Variants in LINGO2 observed in about 807,000 individuals in gnomAD.
LINGO2 encodes leucine-rich repeat and immunoglobulin-like domain-containing nogo receptor-interacting protein 2.
In LINGO2, 14 loss-of-function variants were observed where a neutral mutation model predicts 30.6. The ratio of observed to expected loss-of-function variants is 0.46; its 90% CI spans 0.30 to 0.72. The LOEUF (loss-of-function observed/expected upper bound fraction) is 0.72, where lower values mean the gene tolerates loss of function less well. LINGO2 is among the 30% of genes least tolerant of loss of function. The probability of loss-of-function intolerance (pLI) is 0.07; values close to 1 mark genes in which losing one functional copy is unlikely to be tolerated. For missense variants in LINGO2, 729 were observed against 751.7 expected (o/e 0.97, Z 0.35); for synonymous variants, 317 against 288.5 (o/e 1.10, Z -1.00).
chr9:28,114,563 A>G (rs1232213553), intron 4 of LINGO2, among the ~76,000 whole-genome samples: 1 of 43,018 alleles, frequency 2.3e-5, no homozygotes, highest in African/African-American at 8.6e-5. Flanking sequence ...TGGTTGGTAA[A>G]CTATTGATTA....
At position 28,029,796 on chromosome 9, in the gene LINGO2, T is replaced by A. The variant is rs16912283; in HGVS notation, c.-86-17391A>T. On this transcript the variant is annotated intron_variant, in intron 4 of 5. Coordinates refer to ENST00000379992, the Ensembl canonical transcript of LINGO2. ...TGTGGGAAGTTCTTAGAATAGTTCC[T>A]GGCATGTACAAATTCTTCAACTGTT... Among the ~76,000 whole-genome samples, 4,303 of 152,314 alleles carry A rather than the reference T, an allele frequency of 0.028. 417 individuals are homozygous for A. The East Asian group carries it at 0.34, about 12-fold the overall frequency.
chr9:28,571,003 A>T (rs1391847879), intron 1 of LINGO2, among the ~76,000 whole-genome samples: 1 of 151,992 alleles, frequency 6.6e-6, no homozygotes, highest in Non-Finnish European at 1.5e-5. Flanking sequence ...TAAATTTAAA[A>T]TGAGAAAGTA....
At chr9:28,261,219 T>C (rs1294013185) in intron 4 of LINGO2, among the ~76,000 whole-genome samples, 1 of 151,924 alleles carries the variant, frequency 6.6e-6, no homozygotes, top group East Asian at 1.9e-4. Context: ...ACAAGGAAAG[T>C]CCTCTATATT....
chr9:29,080,118 C>A, the LINGO2 span, among the ~76,000 whole-genome samples: 4 of 152,172 alleles, frequency 2.6e-5, no homozygotes, highest in East Asian at 5.8e-4. Flanking sequence ...GCCTCAATTT[C>A]AGACCCTGTT....
At chr9:28,532,372 T>C (rs1821267058) in intron 1 of LINGO2, among the ~76,000 whole-genome samples, 1 of 152,134 alleles carries the variant, frequency 6.6e-6, no homozygotes, top group East Asian at 1.9e-4. Context: ...CCTCAAACTG[T>C]TTTTTGTTGT....
chr9:28,555,573 G>T (rs190061887), intron 1 of LINGO2, among the ~76,000 whole-genome samples: 1 of 152,000 alleles, frequency 6.6e-6, no homozygotes, highest in Non-Finnish European at 1.5e-5. Flanking sequence ...GAGGTACAAG[G>T]AGGAACTGGT....
chr9:28,595,206 CAT>C (rs1825119440), intron 1 of LINGO2, among the ~76,000 whole-genome samples: 1 of 152,042 alleles, frequency 6.6e-6, no homozygotes, highest in Non-Finnish European at 1.5e-5. Flanking sequence ...AGCACATAAT[CAT>C]GTGAAGTTAA....
intron 4 of LINGO2, among the ~76,000 whole-genome samples, chr9:28,138,974 A>G (rs995068233): frequency 6.6e-6 from 1 of 152,210 alleles, no homozygotes; most frequent in Non-Finnish European, 1.5e-5. Flanking sequence ...CAGTTTCACT[A>G]AGAGTTTCTC....
chr9:28,060,696 G>T (rs1825115750), intron 4 of LINGO2, among the ~76,000 whole-genome samples: 1 of 152,122 alleles, frequency 6.6e-6, no homozygotes, highest in Non-Finnish European at 1.5e-5. Context: ...TAAGTGCAAA[G>T]AAGTGTAATA....
chr9:28,902,341 G>T, the LINGO2 span, among the ~76,000 whole-genome samples: 1 of 152,068 alleles, frequency 6.6e-6, no homozygotes, highest in African/African-American at 2.4e-5. Context: ...TCATGAAGAA[G>T]ATATAAAAAT....
the LINGO2 span, among the ~76,000 whole-genome samples, chr9:29,144,117 A>C: frequency 5.3e-5 from 8 of 152,030 alleles, no homozygotes; most frequent in Admixed American, 6.6e-5. Context: ...ACTCTGTTCC[A>C]TCGGTTTATG....
the LINGO2 span, among the ~76,000 whole-genome samples, chr9:28,700,857 A>T: frequency 6.6e-6 from 1 of 152,056 alleles, no homozygotes; most frequent in Non-Finnish European, 1.5e-5. Context: ...ATAGGTATGT[A>T]GTGGTAACTC....
exon 6 of LINGO2, chr9:27,950,581 G>A: frequency 6.5e-7 from 1 of 1,529,702 alleles, no homozygotes. Flanking sequence ...CACTCACAGC[G>A]AGCGGGGCAG....
the LINGO2 span, among the ~76,000 whole-genome samples, chr9:28,876,238 T>C: frequency 2.6e-5 from 4 of 151,854 alleles, no homozygotes; most frequent in South Asian, 6.2e-4. Flanking sequence ...TATAGTATTA[T>C]TATTATTATT....
intron 2 of LINGO2, among the ~76,000 whole-genome samples, chr9:28,381,426 A>G (rs1821352258): frequency 6.6e-6 from 1 of 152,064 alleles, no homozygotes; most frequent in African/African-American, 2.4e-5. Flanking sequence ...ACATGCAGGT[A>G]AAAGATCTCA....
intron 4 of LINGO2, among the ~76,000 whole-genome samples, chr9:28,054,530 C>G (rs1824828045): frequency 6.6e-6 from 1 of 152,054 alleles, no homozygotes; most frequent in Admixed American, 6.6e-5. Flanking sequence ...GTTATGTTTA[C>G]TGCATGAAGT....
At chr9:28,554,368 A>T (rs1348906031) in intron 1 of LINGO2, among the ~76,000 whole-genome samples, 2 of 146,986 alleles carry the variant, frequency 1.4e-5, no homozygotes, top group East Asian at 4.1e-4. Context: ...GATAAAACTG[A>T]CTTTAAACCA....
intron 1 of LINGO2, among the ~76,000 whole-genome samples, chr9:28,668,464 C>A (rs967253463): frequency 1.3e-5 from 2 of 151,578 alleles, no homozygotes; most frequent in Non-Finnish European, 2.9e-5. Flanking sequence ...TTTTTTAAAT[C>A]CCATAAAAGT....
intron 4 of LINGO2, among the ~76,000 whole-genome samples, chr9:28,196,375 T>G (rs1820013203): frequency 6.6e-6 from 1 of 151,778 alleles, no homozygotes; most frequent in Non-Finnish European, 1.5e-5. Flanking sequence ...CAATTAAAAC[T>G]GTAGAAAGTA....
Sources: gnomAD v4.1 joint callset for allele counts (sites outside exome capture counted in the v4.1 genomes callset) on GRCh38, gnomAD v4.1.1 for gene constraint, MANE v1.5 for transcripts, NCBI Gene and HGNC (gene_info 2026-07-23, HGNC 2026-07-21) for gene names.